The following MYBL2 variants were observed in gnomAD, a reference collection of about 807,000 sequenced individuals.
MYBL2 encodes MYB proto-oncogene like 2.
Under a neutral mutation model 79.9 loss-of-function variants are expected in MYBL2, and 28 were observed. The observed-to-expected ratio is 0.35, with a 90% confidence interval of 0.26 to 0.48. The LOEUF (loss-of-function observed/expected upper bound fraction) is 0.48. Ranked by LOEUF, MYBL2 falls within the 20% of genes least tolerant of loss-of-function variation. The pLI is 0.99. For synonymous variants in MYBL2, 378 were observed against 361.2 expected (o/e 1.05, Z -0.53); for missense variants, 735 against 893.9 (o/e 0.82, Z 2.27).
chr20:43,695,686 C>CA (rs3091981), intron 6 of MYBL2, among the ~76,000 whole-genome samples: 6 of 150,166 alleles, frequency 4.0e-5, no homozygotes, highest in Admixed American at 2.0e-4. Flanking sequence ...ACTGTCTTTA[C>CA]AAAAAAAAAA....
At chr20:43,706,422 C>T (rs1019432463) in intron 9 of MYBL2, among the ~76,000 whole-genome samples, 3 of 152,128 alleles carry the variant, frequency 2.0e-5, no homozygotes, top group African/African-American at 7.2e-5. Context: ...TTCTAAATTC[C>T]AGGTAGAGAG....
At position 43,716,028 on chromosome 20, in the gene MYBL2, C is replaced by T. The variant is rs776117094; in HGVS notation, c.2044C>T (p.Arg682Trp). ...RDQLFMQEKA[R>W]QLLGRLKPSH... ...CCAGCTTTTCATGCAGGAGAAAGCC[C>T]GGCAGCTCCTGGGCCGCCTGAAGCC... Residue 682 changes from arginine to tryptophan, a missense_variant, in exon 14 of 14, where the codon CGG (arginine) becomes TGG (tryptophan). Arg to Trp is a moderately radical substitution (Grantham distance 101). Around this residue, in one of 5 missense-constraint regions of MYBL2, gnomAD observed 204 missense variants for 202.9 expected, o/e 1.01. Coordinates refer to ENST00000217026, the MANE Select transcript of MYBL2 (RefSeq NM_002466.4). 12 of 1,611,626 alleles carry T rather than the reference C, an allele frequency of 7.4e-6. No individual in the cohort carries two copies. In the East Asian group the frequency reaches 8.9e-5, roughly 12 times the overall value.
At chr20:43,667,855 G>T (rs1986756451) in intron 1 of MYBL2, among the ~76,000 whole-genome samples, 1 of 152,186 alleles carries the variant, frequency 6.6e-6, no homozygotes, top group Admixed American at 6.5e-5. Flanking sequence ...GGGCTCTTTT[G>T]TCTCTCCCAC....
chr20:43,701,242 T>G (rs62226232), intron 7 of MYBL2, among the ~76,000 whole-genome samples: 4,099 of 152,286 alleles, frequency 0.027, 72 homozygotes, highest in Non-Finnish European at 0.037. Context: ...CCATCTTCCC[T>G]CCTCTGCTCC....
chr20:43,709,973 C>G lies in MYBL2; in HGVS notation c.1516C>G (p.Pro506Ala). ...TCTGGCCCCTGGCAGGTTTGTAACC[C>G]CAGATCAGAAGTACTCCATGGACAA... ...LHQKHAAFVT[P>A]DQKYSMDNTP... is the part of the protein sequence containing the mutation. Residue 506 changes from proline (P) to alanine (A), a missense_variant, in exon 10 of 14, where the codon CCA becomes GCA. Around this residue, in one of 5 missense-constraint regions of MYBL2, gnomAD observed 243 missense variants for 327.2 expected, o/e 0.74. Transcript: ENST00000217026. The G allele has an allele frequency of 1.2e-6, 2 of 1,606,084 alleles. No individual in the cohort carries two copies. The highest frequency in any genetic ancestry group is 8.5e-7 in the Non-Finnish European group (1 of 1,176,214).
chr20:43,682,850 T>C lies in MYBL2; in HGVS notation c.243T>C (p.Leu81=). 5.6e-6 allele frequency: 9 copies of C among 1,614,026 alleles called. No homozygotes were observed. The highest frequency in any genetic ancestry group is 7.6e-6 in the Non-Finnish European group (9 of 1,179,924). Residue 81 remains leucine, a synonymous_variant, in exon 4 of 14, where the codon CTT becomes CTC. Transcript: ENST00000217026. Reference sequence around the variant, plus strand: ...GGCTGAGAGTTTTGAATCCAGACCTTGTCAAGGGGCCATGGACCAAAGAGG... The same window carrying C: ...GGCTGAGAGTTTTGAATCCAGACCTCGTCAAGGGGCCATGGACCAAAGAGG... ...YRWLRVLNPD[L]VKGPWTKEED...
intron 4 of MYBL2, among the ~76,000 whole-genome samples, chr20:43,684,104 A>T (rs1987210507): frequency 6.6e-6 from 1 of 151,680 alleles, no homozygotes; most frequent in South Asian, 2.1e-4. Flanking sequence ...TTTTTGAAAA[A>T]TTTTTGTAGA....
Position 43,715,235 on chromosome 20 carries a change from G to A in MYBL2, c.1926G>A (p.Lys642=), listed in dbSNP as rs779823625. The change falls in exon 13 of 14, where the codon AAG becomes AAA. Residue 642 remains lysine (K), a synonymous_variant. Coordinates refer to ENST00000217026, the MANE Select transcript of MYBL2 (RefSeq NM_002466.4). ...NQGFLQAKPE[K]AAVAQKPRSH... ...GCTTCTTGCAGGCCAAGCCCGAGAA[G>A]GCAGCAGTGGCCCAGAAGCCCCGAA... 6.2e-7 allele frequency: 1 copy of A among 1,614,258 alleles called. No homozygotes were observed. The highest frequency in any genetic ancestry group is 2.2e-5 in the East Asian group (1 of 44,882).
At chr20:43,687,194 G>C (rs1460094344) in intron 5 of MYBL2, 122 bp downstream of exon 5, 4 of 981,316 alleles carry the variant, frequency 4.1e-6, no homozygotes, top group Non-Finnish European at 6.0e-6. Flanking sequence ...ACCCAGCCTC[G>C]GCTCCAGGGC....
Position 43,715,989 on chromosome 20 carries a change from G to T in MYBL2, c.2005G>T (p.Gly669Trp). 4 of 1,611,608 alleles carry T rather than the reference G, an allele frequency of 2.5e-6. No homozygotes were observed. Among genetic ancestry groups the T allele is most frequent in the Non-Finnish European group, 3.4e-6 (4 of 1,179,606 alleles). ...CAGTGCCTGGAAGACGGTGGCCTGC[G>T]GGGGGACCAGGGACCAGCTTTTCAT... is the stretch of plus-strand genomic sequence containing the variant. ...MSSAWKTVAC[G>W]GTRDQLFMQE... is the part of the protein sequence containing the mutation. The change falls in exon 14 of 14, where the codon GGG becomes TGG. Residue 669 changes from glycine (G) to tryptophan (W), a missense_variant. Around this residue, in one of 5 missense-constraint regions of MYBL2, gnomAD observed 204 missense variants for 202.9 expected, o/e 1.01. Coordinates refer to ENST00000217026, the MANE Select transcript of MYBL2 (RefSeq NM_002466.4).
At chr20:43,681,729 C>T in intron 2 of MYBL2, 55 bp from the exon 3 acceptor site, 1 of 1,580,928 alleles carries the variant, frequency 6.3e-7, no homozygotes, top group South Asian at 1.1e-5. Context: ...CACGGGCAGC[C>T]CTGAGGTTTT....
intron 8 of MYBL2, among the ~76,000 whole-genome samples, chr20:43,703,555 C>G (rs1184732960): frequency 6.6e-6 from 1 of 152,074 alleles, no homozygotes; most frequent in Non-Finnish European, 1.5e-5. Flanking sequence ...TCTCCTTGAG[C>G]ACCTTGACCA....
chr20:43,693,020 T>A (rs527969572), intron 6 of MYBL2, among the ~76,000 whole-genome samples: 1 of 152,318 alleles, frequency 6.6e-6, no homozygotes, highest in Non-Finnish European at 1.5e-5. Context: ...ATTAAAATCC[T>A]ATAGTATTAC....
At chr20:43,674,224 T>TG (rs1555809907) in intron 2 of MYBL2, among the ~76,000 whole-genome samples, 1 of 58,204 alleles carries the variant, frequency 1.7e-5, no homozygotes, top group Non-Finnish European at 3.5e-5. Flanking sequence ...AATCTGTAAC[T>TG]CCCCCCACCC....
At chr20:43,671,758 C>A (rs1300120252) in intron 1 of MYBL2, among the ~76,000 whole-genome samples, 4 of 152,060 alleles carry the variant, frequency 2.6e-5, no homozygotes, top group Admixed American at 2.6e-4. Flanking sequence ...GTGTGAGCCA[C>A]CACACCTGGC....
chr20:43,708,944 G>A (rs1301438039), intron 9 of MYBL2, among the ~76,000 whole-genome samples: 1 of 152,224 alleles, frequency 6.6e-6, no homozygotes, highest in African/African-American at 2.4e-5. Flanking sequence ...GTGTGTCCCA[G>A]ATGGGGGATA....
Position 43,702,854 on chromosome 20 carries a change from T to C in MYBL2, c.1316T>C (p.Leu439Pro), listed in dbSNP as rs1349524981. The change falls in exon 8 of 14, where the codon CTC becomes CCC. Residue 439 changes from leucine (L) to proline (P), a missense_variant. Transcript: ENST00000217026. ...SLSFLDSCNS[L>P]TPKSTPVKTL... ...TCCTTCCTGGATTCCTGTAACAGCC[T>C]CACGCCCAAGAGCACACCTGTTAAG... 4 of 1,611,976 alleles carry C rather than the reference T, an allele frequency of 2.5e-6. No individual in the cohort carries two copies. The highest frequency in any genetic ancestry group is 3.4e-6 in the Non-Finnish European group (4 of 1,178,362).
At chr20:43,712,928 C>A in intron 11 of MYBL2, 74 bp from the exon 12 acceptor site, 1 of 1,193,368 alleles carries the variant, frequency 8.4e-7, no homozygotes, top group Non-Finnish European at 1.2e-6. Flanking sequence ...CCATCCATGG[C>A]CATGACCATC....
Position 43,686,978 on chromosome 20 carries a change from T to G in MYBL2, c.406T>G (p.Ser136Ala). The change falls in exon 5 of 14, where the codon TCT becomes GCT. Residue 136 changes from serine to alanine, a missense_variant. Ser to Ala is a moderately conservative substitution (Grantham distance 99). Transcript: ENST00000217026. Reference sequence around the variant, plus strand: ...CCACCTCAACCCTGAGGTGAAGAAGTCTTGCTGGACCGAGGAGGAGGACCG... The same window carrying G: ...CCACCTCAACCCTGAGGTGAAGAAGGCTTGCTGGACCGAGGAGGAGGACCG... ...HNHLNPEVKK[S>A]CWTEEEDRII... 6.2e-7 allele frequency: 1 copy of G among 1,614,026 alleles called. No homozygotes were observed. The highest frequency in any genetic ancestry group is 8.5e-7 in the Non-Finnish European group (1 of 1,180,010).
Sources: gnomAD v4.1 joint callset for allele counts (sites outside exome capture counted in the v4.1 genomes callset) on GRCh38, gnomAD v4.1.1 for gene constraint, gnomAD v4.1.1 regional missense constraint, MANE v1.5 for transcripts, NCBI Gene and HGNC (gene_info 2026-07-23, HGNC 2026-07-21) for gene names.